BOLL: variants seen among roughly 807,000 people sequenced by gnomAD.
The protein encoded by BOLL is protein boule-like.
BOLL carries 23 observed loss-of-function variants against 44.4 expected under a neutral mutation model. The ratio of observed to expected loss-of-function variants is 0.52; its 90% CI spans 0.37 to 0.73. The LOEUF (loss-of-function observed/expected upper bound fraction) is 0.73. Ranked by LOEUF, BOLL falls within the 30% of genes least tolerant of loss-of-function variation. The probability of loss-of-function intolerance (pLI) is 0.00; values close to 1 mark genes in which losing one functional copy is unlikely to be tolerated. For synonymous variants in BOLL, 97 were observed against 110.8 expected (o/e 0.88, Z 0.78); for missense variants, 287 against 338.3 (o/e 0.85, Z 1.19).
chr2:197,745,839 A>C (rs1251645817), intron 9 of BOLL, among the ~76,000 whole-genome samples: 1 of 152,204 alleles, frequency 6.6e-6, no homozygotes, highest in Non-Finnish European at 1.5e-5. Flanking sequence ...ACCTCCTCAA[A>C]GATACTTTAG....
intron 7 of BOLL, chr2:197,759,063 C>G (rs899291336): frequency 1.4e-6 from 2 of 1,385,598 alleles, no homozygotes; most frequent in Admixed American, 4.1e-5. Flanking sequence ...AGATGCCTAG[C>G]ATTCATTTTC....
chr2:197,780,600 T>G (rs188607925), intron 2 of BOLL, among the ~76,000 whole-genome samples: 1 of 152,202 alleles, frequency 6.6e-6, no homozygotes, highest in Non-Finnish European at 1.5e-5. Flanking sequence ...GAAATAATTT[T>G]TCTTACTTTA....
At chr2:197,734,899 A>G (rs953468768) in intron 10 of BOLL, among the ~76,000 whole-genome samples, 3 of 152,198 alleles carry the variant, frequency 2.0e-5, no homozygotes, top group Admixed American at 6.5e-5. Context: ...GCACACGTAT[A>G]CATATGTAAT....
chr2:197,776,057 C>A lies in BOLL; in HGVS notation c.277-317G>T, dbSNP rs1022107107. Among the ~76,000 whole-genome samples, 5 of 151,966 alleles carry A rather than the reference C, an allele frequency of 3.3e-5. 1 individual carries two copies. In the South Asian group the frequency reaches 1.0e-3, roughly 32 times the overall value. The stretch of plus-strand genomic sequence containing the variant: ...GCAATTTTGAGGTTATTAGTGGACA[C>A]GTGAAGAGCGGCGGAAAATTTGAGT... On this transcript the variant is annotated intron_variant, in intron 4 of 10. Transcript: ENST00000392296.
chr2:197,757,609 A>C (rs1399268740), intron 7 of BOLL, among the ~76,000 whole-genome samples: 4 of 152,168 alleles, frequency 2.6e-5, no homozygotes, highest in Non-Finnish European at 1.5e-5. Context: ...ATAGGTGTAA[A>C]TGCCTGTGAC....
chr2:197,728,553 T>C lies in BOLL; in HGVS notation c.*2A>G, dbSNP rs143259183. The C allele has an allele frequency of 2.9e-5, 47 of 1,613,390 alleles. 1 individual carries two copies. The African/African-American group carries it at 4.8e-4, about 16-fold the overall frequency. ...GAGCTGGAATAGAGCTGCCCAATTG[T>C]CTTAATAATGAATGCTCCACACTGT... On this transcript the variant is annotated 3_prime_UTR_variant, in exon 11 of 11. Coordinates refer to ENST00000392296, the MANE Select transcript of BOLL (RefSeq NM_033030.6).
chr2:197,776,851 G>A (rs1395007728), intron 4 of BOLL, among the ~76,000 whole-genome samples: 1 of 151,814 alleles, frequency 6.6e-6, no homozygotes, highest in African/African-American at 2.4e-5. Context: ...AGTAAATAAA[G>A]CGAAACATTA....
chr2:197,785,454 G>T (rs1189446890), upstream of BOLL: 3 of 898,400 alleles, frequency 3.3e-6, no homozygotes, highest in African/African-American at 3.6e-5. This position sits in a 1 kb window ranked among gnomAD's most constrained non-coding sequence, Gnocchi z 6.7. Flanking sequence ...ACCCTGACTG[G>T]CTTGGGTGCA....
At chr2:197,731,128 G>T (rs959825460) in intron 10 of BOLL, among the ~76,000 whole-genome samples, 1 of 152,080 alleles carries the variant, frequency 6.6e-6, no homozygotes, top group Non-Finnish European at 1.5e-5. Context: ...GACCTACCAA[G>T]CCAATGGAAA....
chr2:197,747,197 A>C (rs1274102065), intron 9 of BOLL, among the ~76,000 whole-genome samples: 1 of 152,178 alleles, frequency 6.6e-6, no homozygotes, highest in Non-Finnish European at 1.5e-5. Flanking sequence ...CATATATCCA[A>C]CCATCATGCT....
chr2:197,736,211 A>C (rs1464923074), intron 10 of BOLL, among the ~76,000 whole-genome samples: 2 of 152,166 alleles, frequency 1.3e-5, no homozygotes, highest in Non-Finnish European at 2.9e-5. Context: ...TATTGTCCCA[A>C]ATTCATACCC....
At chr2:197,737,692 A>AG (rs1687557328) in intron 10 of BOLL, among the ~76,000 whole-genome samples, 1 of 152,130 alleles carries the variant, frequency 6.6e-6, no homozygotes, top group African/African-American at 2.4e-5. Context: ...TTGGGAAAAA[A>AG]ATACTGGTAG....
At chr2:197,764,488 T>G (rs1304768667) in intron 7 of BOLL, among the ~76,000 whole-genome samples, 1 of 152,042 alleles carries the variant, frequency 6.6e-6, no homozygotes, top group African/African-American at 2.4e-5. Flanking sequence ...TAAAAAACAC[T>G]GATCTCAAAA....
At chr2:197,748,734 G>A (rs912881180) in intron 9 of BOLL, among the ~76,000 whole-genome samples, 3 of 152,252 alleles carry the variant, frequency 2.0e-5, no homozygotes, top group Admixed American at 6.5e-5. Flanking sequence ...AGCAGCCCCA[G>A]TCAGGGGCTT....
intron 10 of BOLL, among the ~76,000 whole-genome samples, chr2:197,734,276 C>T (rs982942970): frequency 4.6e-5 from 7 of 151,820 alleles, no homozygotes; most frequent in African/African-American, 1.2e-4. Context: ...CCATCTCACA[C>T]CAGTTAGAAT....
At chr2:197,782,793 T>C (rs1320272447) in intron 1 of BOLL, among the ~76,000 whole-genome samples, 1 of 152,198 alleles carries the variant, frequency 6.6e-6, no homozygotes, top group Non-Finnish European at 1.5e-5. Context: ...AAAGTCAAAA[T>C]TTTAAATGCA....
chr2:197,778,002 C>T (rs939405056), intron 3 of BOLL, among the ~76,000 whole-genome samples: 2 of 151,854 alleles, frequency 1.3e-5, no homozygotes, highest in African/African-American at 4.8e-5. Context: ...ACACGCCACC[C>T]AGTGGAAAAG....
chr2:197,771,752 T>C (rs992158490), intron 6 of BOLL, 103 bp downstream of exon 6: 2 of 1,286,684 alleles, frequency 1.6e-6, no homozygotes, highest in African/African-American at 3.2e-5. Flanking sequence ...TGATGTGTGT[T>C]ATTATTTGTA....
At chr2:197,760,417 G>A (rs77620323) in intron 7 of BOLL, among the ~76,000 whole-genome samples, 5,326 of 152,176 alleles carry the variant, frequency 0.035, 136 homozygotes, top group Middle Eastern at 0.061. Flanking sequence ...CCAGGCCAGC[G>A]AAGGAGCCAT....
Sources: gnomAD v4.1 joint callset for allele counts (sites outside exome capture counted in the v4.1 genomes callset) on GRCh38, gnomAD v4.1.1 for gene constraint, Gnocchi (gnomAD v3.1) non-coding constraint, MANE v1.5 for transcripts, NCBI Gene and HGNC (gene_info 2026-07-23, HGNC 2026-07-21) for gene names.